The following CHIC2 variants were observed in gnomAD, a reference collection of about 807,000 sequenced individuals.
CHIC2 encodes cysteine-rich hydrophobic domain-containing protein 2.
CHIC2 carries 14 observed loss-of-function variants against 25.9 expected under a neutral mutation model. The ratio of observed to expected loss-of-function variants is 0.54; its 90% CI spans 0.36 to 0.85. The LOEUF (loss-of-function observed/expected upper bound fraction) is 0.85. Ranked by LOEUF, CHIC2 falls within the 40% of genes least tolerant of loss-of-function variation. The pLI is 0.01. For synonymous variants in CHIC2, 70 were observed against 72.0 expected, an observed-to-expected ratio of 0.97 and a Z score of 0.14; for missense variants, 146 against 202.0, an observed-to-expected ratio of 0.72 and a Z score of 1.68.
intron 3 of CHIC2, among the ~76,000 whole-genome samples, chr4:54,041,205 T>TAATG (rs1376784762): frequency 6.6e-6 from 1 of 151,840 alleles, no homozygotes; most frequent in African/African-American, 2.4e-5. Flanking sequence ...AATCAGTGAA[T>TAATG]AATGTGAAGA....
chr4:54,042,045 T>C (rs1716594821), intron 3 of CHIC2, among the ~76,000 whole-genome samples: 1 of 151,918 alleles, frequency 6.6e-6, no homozygotes, highest in African/African-American at 2.4e-5. Flanking sequence ...ATCCAAATTA[T>C]TTTGCCTCCA....
intron 3 of CHIC2, among the ~76,000 whole-genome samples, chr4:54,033,200 T>C (rs919599058): frequency 6.6e-6 from 1 of 152,226 alleles, no homozygotes; most frequent in African/African-American, 2.4e-5. Flanking sequence ...CTTATAGCAA[T>C]GCAAGAACAG....
At position 54,020,337 on chromosome 4, in the gene CHIC2, A is replaced by C. The variant is rs2110063524; in HGVS notation, c.331-6218T>G. On this transcript the variant is annotated intron_variant, in intron 3 of 5. Transcript: ENST00000263921. The stretch of plus-strand genomic sequence containing the variant: ...TGTTAGATCCACCCCCTGCCACAAA[A>C]CACCACTCCTAACTCCACCGCCTAT... Among the ~76,000 whole-genome samples, 4 of 152,198 alleles carry C rather than the reference A, an allele frequency of 2.6e-5. No homozygotes were observed. The Middle Eastern group carries it at 0.01, about 388-fold the overall frequency.
the CHIC2 span, among the ~76,000 whole-genome samples, chr4:54,080,755 CAAA>C: frequency 8.9e-5 from 8 of 90,346 alleles, no homozygotes; most frequent in African/African-American, 1.6e-4. Context: ...GACTCTGTCT[CAAA>C]AAAAAAAAAA....
chr4:54,049,525 G>A (rs1053107111), intron 1 of CHIC2, among the ~76,000 whole-genome samples: 2 of 152,104 alleles, frequency 1.3e-5, no homozygotes, highest in African/African-American at 4.8e-5. Context: ...ATGATAAGGG[G>A]CTGAATGTTA....
intron 1 of CHIC2, among the ~76,000 whole-genome samples, chr4:54,059,073 T>G (rs1577988626): frequency 1.3e-5 from 2 of 152,324 alleles, no homozygotes; most frequent in Admixed American, 1.3e-4. Context: ...AATTATCATA[T>G]TTCTCATTTC....
chr4:54,069,008 T>C (rs901294093), upstream of CHIC2, among the ~76,000 whole-genome samples: 2 of 152,240 alleles, frequency 1.3e-5, no homozygotes, highest in Admixed American at 6.5e-5. Context: ...ATTTCACTTA[T>C]TTATTGAGAC....
upstream of CHIC2, among the ~76,000 whole-genome samples, chr4:54,069,557 G>T (rs372675376): frequency 6.6e-6 from 1 of 152,142 alleles, no homozygotes; most frequent in Non-Finnish European, 1.5e-5. Context: ...GCTTCATTAC[G>T]TAGGCATGAT....
chr4:54,035,229 G>T (rs571219484), intron 3 of CHIC2, among the ~76,000 whole-genome samples: 1 of 152,184 alleles, frequency 6.6e-6, no homozygotes, highest in East Asian at 1.9e-4. Flanking sequence ...TCTGGTTTTG[G>T]CCTCAGGGTA....
the CHIC2 span, among the ~76,000 whole-genome samples, chr4:54,073,075 A>G: frequency 4.6e-5 from 7 of 152,226 alleles, no homozygotes; most frequent in African/African-American, 7.2e-5. Context: ...CTAAAAAAAA[A>G]AAAAGATGTT....
the CHIC2 span, chr4:54,087,220 G>A: frequency 2.0e-5 from 13 of 649,778 alleles, no homozygotes; most frequent in Admixed American, 1.4e-4. Context: ...CCCCAGGGAA[G>A]GAAAGAGCCT....
At chr4:54,047,845 T>A (rs1229539722) in intron 3 of CHIC2, among the ~76,000 whole-genome samples, 3 of 151,972 alleles carry the variant, frequency 2.0e-5, no homozygotes, top group East Asian at 1.9e-4. Flanking sequence ...AATACATTTT[T>A]AAAAAATAAA....
intron 3 of CHIC2, among the ~76,000 whole-genome samples, chr4:54,036,965 A>G (rs1419201302): frequency 6.6e-6 from 1 of 152,344 alleles, no homozygotes; most frequent in African/African-American, 2.4e-5. Flanking sequence ...AGGTAAATAG[A>G]TAAACAAATG....
intron 5 of CHIC2, among the ~76,000 whole-genome samples, chr4:54,012,242 C>T (rs966349919): frequency 6.6e-6 from 1 of 151,964 alleles, no homozygotes; most frequent in Admixed American, 6.6e-5. Flanking sequence ...CCACTACACC[C>T]AGCTTTTTCC....
chr4:54,043,933 G>C (rs183837078), intron 3 of CHIC2, among the ~76,000 whole-genome samples: 33 of 152,230 alleles, frequency 2.2e-4, no homozygotes, highest in African/African-American at 7.5e-4. Context: ...GACACATATA[G>C]GCTCAAAATA....
intron 3 of CHIC2, among the ~76,000 whole-genome samples, chr4:54,036,866 C>CAA (rs879547622): frequency 1.5e-5 from 2 of 136,848 alleles, no homozygotes; most frequent in Non-Finnish European, 1.6e-5. Flanking sequence ...AATTTTTACT[C>CAA]AAAAAAAAAA....
At chr4:54,014,249 C>T (rs1422930930) in intron 3 of CHIC2, 130 bp from the exon 4 acceptor site, 17 of 677,024 alleles carry the variant, frequency 2.5e-5, no homozygotes, top group East Asian at 5.4e-5. Context: ...GCATCACTAT[C>T]GATGTTCTAA....
chr4:54,055,275 A>C (rs1441905248), intron 1 of CHIC2, among the ~76,000 whole-genome samples: 1 of 152,140 alleles, frequency 6.6e-6, no homozygotes, highest in African/African-American at 2.4e-5. Context: ...TAACTGACTT[A>C]AGAAATACAT....
intron 1 of CHIC2, chr4:54,059,857 G>A (rs1439375685): frequency 1.3e-5 from 2 of 152,082 alleles, no homozygotes; most frequent in African/African-American, 4.8e-5. Context: ...AAGATCAATA[G>A]ACACAACCTC....
Sources: gnomAD v4.1 joint callset for allele counts (sites outside exome capture counted in the v4.1 genomes callset) on GRCh38, gnomAD v4.1.1 for gene constraint, MANE v1.5 for transcripts, NCBI Gene and HGNC (gene_info 2026-07-23, HGNC 2026-07-21) for gene names.